MGMT: variants seen among roughly 807,000 people sequenced by gnomAD.
MGMT encodes methylated-DNA--protein-cysteine methyltransferase.
Under a neutral mutation model 15.9 loss-of-function variants are expected in MGMT, and 14 were observed. The observed-to-expected ratio is 0.88, with a 90% CI of 0.58 to 1.37. The LOEUF (loss-of-function observed/expected upper bound fraction) is 1.37. Ranked by LOEUF, MGMT falls within the 40% of genes most tolerant of loss-of-function variation. The pLI, the probability that MGMT is intolerant of heterozygous loss-of-function variation, is 0.00. For synonymous variants in MGMT, 130 were observed against 118.2 expected, an observed-to-expected ratio of 1.10 and a Z score of -0.65; for missense variants, 282 against 268.1, an observed-to-expected ratio of 1.05 and a Z score of -0.36.
At chr10:129,646,253 G>A (rs376634055) in intron 2 of MGMT, among the ~76,000 whole-genome samples, 9 of 152,214 alleles carry the variant, frequency 5.9e-5, no homozygotes, top group Middle Eastern at 6.8e-3. Context: ...ATCGCCTGGG[G>A]AAGTTGGAAG....
At chr10:129,610,890 C>T (rs762913426) in intron 2 of MGMT, among the ~76,000 whole-genome samples, 2 of 152,162 alleles carry the variant, frequency 1.3e-5, no homozygotes, top group Admixed American at 1.3e-4. Context: ...ATCCCTAGAG[C>T]CTACAACAGT....
At chr10:129,632,168 C>T (rs1847217504) in intron 2 of MGMT, among the ~76,000 whole-genome samples, 1 of 152,244 alleles carries the variant, frequency 6.6e-6, no homozygotes, top group African/African-American at 2.4e-5. Context: ...TTAGACATGA[C>T]TTTTATTGGA....
chr10:129,654,140 G>A (rs895688607), intron 2 of MGMT, among the ~76,000 whole-genome samples: 11 of 152,220 alleles, frequency 7.2e-5, no homozygotes, highest in African/African-American at 2.4e-4. Flanking sequence ...TGCAGCTGGA[G>A]TAGCTGTGCT....
chr10:129,582,536 A>C (rs1469036173), intron 2 of MGMT, among the ~76,000 whole-genome samples: 4 of 152,158 alleles, frequency 2.6e-5, no homozygotes, highest in Admixed American at 6.5e-5. Context: ...TTTAACTTTT[A>C]AAAGACAGTT....
chr10:129,666,463 CTA>C (rs1323098196), intron 2 of MGMT, among the ~76,000 whole-genome samples: 1 of 152,052 alleles, frequency 6.6e-6, no homozygotes. Flanking sequence ...AAATTTTATA[CTA>C]TGAGTCATAG....
chr10:129,686,263 G>GA (rs150349856), intron 2 of MGMT, among the ~76,000 whole-genome samples: 93 of 146,876 alleles, frequency 6.3e-4, no homozygotes, highest in African/African-American at 1.5e-3. Context: ...TCAGGGGAAA[G>GA]AAAAAAAAAA....
At chr10:129,746,541 A>T (rs888350628) in intron 3 of MGMT, among the ~76,000 whole-genome samples, 2 of 152,052 alleles carry the variant, frequency 1.3e-5, no homozygotes, top group Non-Finnish European at 2.9e-5. Flanking sequence ...ATGGATATCC[A>T]ATTTTCCAGC....
intron 3 of MGMT, among the ~76,000 whole-genome samples, chr10:129,739,628 C>G (rs141636181): frequency 5.3e-5 from 8 of 151,688 alleles, no homozygotes; most frequent in Non-Finnish European, 1.2e-4. Flanking sequence ...TCAGAACTCC[C>G]CTACACCACA....
intron 1 of MGMT, among the ~76,000 whole-genome samples, chr10:129,512,884 C>T (rs527815830): frequency 6.6e-6 from 1 of 150,548 alleles, no homozygotes; most frequent in African/African-American, 2.4e-5. Flanking sequence ...TGTGGCCCAG[C>T]AATTCTACCC....
At chr10:129,667,372 TTA>T (rs930307486) in intron 2 of MGMT, among the ~76,000 whole-genome samples, 12 of 152,220 alleles carry the variant, frequency 7.9e-5, no homozygotes, top group African/African-American at 1.4e-4. Context: ...ATATAATAAA[TTA>T]TGTTATATAT....
intron 2 of MGMT, among the ~76,000 whole-genome samples, chr10:129,582,753 G>A (rs1249312537): frequency 6.6e-6 from 1 of 152,116 alleles, no homozygotes; most frequent in Admixed American, 6.5e-5. Context: ...GCACACCAGC[G>A]GGTTCCTGGC....
Position 129,659,894 on chromosome 10 carries a change from C to T in MGMT, c.126-48001C>T, listed in dbSNP as rs1395545481. On this transcript the variant is annotated intron_variant, in intron 2 of 4. Transcript: ENST00000651593. This position sits in a 1 kb window ranked among gnomAD's most constrained non-coding sequence, Gnocchi z 4.1. The stretch of plus-strand genomic sequence containing the variant: ...GGCGACAGGACGTAGGGTGGTCATC[C>T]GAATATCCCTGCCCCACTCCCCAGC... Among the ~76,000 whole-genome samples the T allele has an allele frequency of 1.3e-5, 2 of 152,174 alleles. No homozygotes were observed. The highest frequency in any genetic ancestry group is 6.5e-5 in the Admixed American group (1 of 15,286).
intron 3 of MGMT, among the ~76,000 whole-genome samples, chr10:129,713,228 G>T (rs1411841262): frequency 6.6e-6 from 1 of 152,160 alleles, no homozygotes; most frequent in Non-Finnish European, 1.5e-5. Context: ...CATAAATATT[G>T]TTGACCTTGC....
intron 2 of MGMT, among the ~76,000 whole-genome samples, chr10:129,674,795 C>T (rs977913103): frequency 6.6e-6 from 1 of 152,194 alleles, no homozygotes; most frequent in Admixed American, 6.5e-5. Context: ...CCATATCTTT[C>T]CAGCATCAGT....
At chr10:129,644,553 T>C (rs558485862) in intron 2 of MGMT, among the ~76,000 whole-genome samples, 4 of 151,022 alleles carry the variant, frequency 2.6e-5, no homozygotes, top group Non-Finnish European at 4.4e-5. Context: ...AGTGCTTGGG[T>C]TCCCCCCCTG....
At chr10:129,550,531 C>G (rs957481649) in intron 2 of MGMT, among the ~76,000 whole-genome samples, 5 of 151,884 alleles carry the variant, frequency 3.3e-5, no homozygotes, top group Admixed American at 3.3e-4. Flanking sequence ...ACTGCAACCT[C>G]CATCTCCCAG....
At chr10:129,570,108 C>T (rs1020623526) in intron 2 of MGMT, among the ~76,000 whole-genome samples, 3 of 152,234 alleles carry the variant, frequency 2.0e-5, no homozygotes, top group Non-Finnish European at 4.4e-5. Flanking sequence ...CAGACCCTCA[C>T]GTGCATGGCC....
chr10:129,711,682 G>A (rs1463446420), intron 3 of MGMT, among the ~76,000 whole-genome samples: 3 of 152,114 alleles, frequency 2.0e-5, no homozygotes, highest in Non-Finnish European at 4.4e-5. Flanking sequence ...TTTTTTTAAA[G>A]TGTCAACAAA....
chr10:129,617,983 A>G (rs2133073399), intron 2 of MGMT, among the ~76,000 whole-genome samples: 1 of 152,122 alleles, frequency 6.6e-6, no homozygotes, highest in African/African-American at 2.4e-5. Context: ...CCCTCCTGCC[A>G]TATACCCTCC....
Sources: allele counts gnomAD v4.1 joint callset (sites outside exome capture counted in the v4.1 genomes callset), GRCh38; gene constraint gnomAD v4.1.1; non-coding constraint Gnocchi (gnomAD v3.1); transcripts MANE v1.5; gene names NCBI Gene and HGNC (gene_info 2026-07-23, HGNC 2026-07-21).